The following DENND1B variants were observed in gnomAD, a reference collection of about 807,000 sequenced individuals.
DENND1B encodes DENN domain-containing protein 1B.
Under a neutral mutation model 90.1 loss-of-function variants are expected in DENND1B, and 59 were observed. The observed-to-expected ratio is 0.65, with a 90% confidence interval of 0.53 to 0.81. The LOEUF (loss-of-function observed/expected upper bound fraction) is 0.81, where lower values mean the gene tolerates loss of function less well. DENND1B is among the 40% of genes least tolerant of loss of function. The pLI is 0.00. For missense variants in DENND1B, 862 were observed against 912.6 expected, an observed-to-expected ratio of 0.94 and a Z score of 0.71; for synonymous variants, 337 against 324.6, an observed-to-expected ratio of 1.04 and a Z score of -0.41.
chr1:197,744,258 A>G (rs998635082), intron 2 of DENND1B, among the ~76,000 whole-genome samples: 7 of 152,194 alleles, frequency 4.6e-5, no homozygotes, highest in African/African-American at 7.2e-5. Context: ...AGATTTTTCA[A>G]TGTGCTTTGC....
chr1:197,557,286 T>A (rs545437576), intron 15 of DENND1B, among the ~76,000 whole-genome samples: 2 of 151,884 alleles, frequency 1.3e-5, no homozygotes, highest in Non-Finnish European at 2.9e-5. Flanking sequence ...TACTGACAAA[T>A]AGAACAAACT....
intron 6 of DENND1B, among the ~76,000 whole-genome samples, chr1:197,654,964 T>G (rs1653648422): frequency 6.6e-6 from 1 of 152,136 alleles, no homozygotes. Flanking sequence ...TTTTTAAAAA[T>G]TAAATAAAAA....
chr1:197,618,959 ATAAAG>A (rs1461486120), intron 10 of DENND1B, among the ~76,000 whole-genome samples: 2 of 151,270 alleles, frequency 1.3e-5, no homozygotes, highest in African/African-American at 4.8e-5. Flanking sequence ...GATCCATTAC[ATAAAG>A]TAAATTAAAA....
rs913790858 is a variant in DENND1B, at chr1:197,507,057, G to C, written c.*3403C>G. ...GAAATGATACTATGGTTCATACTTAGAGCATGCTTTAAATTAAGCAGCCAG... is the reference window on the plus strand; with the variant it reads ...GAAATGATACTATGGTTCATACTTACAGCATGCTTTAAATTAAGCAGCCAG... On this transcript the variant is annotated 3_prime_UTR_variant, in exon 23 of 23. Transcript: ENST00000620048. 6.6e-6 allele frequency: 1 copy of C among 151,028 alleles called. No homozygotes were observed. The highest frequency in any genetic ancestry group is 1.5e-5 in the Non-Finnish European group (1 of 67,500). The allele number at this position is 151,028 out of a possible 1,614,324, so 9.4% of individuals were successfully genotyped here.
intron 3 of DENND1B, among the ~76,000 whole-genome samples, chr1:197,698,536 TAGC>T (rs773874068): frequency 2.7e-5 from 4 of 150,360 alleles, no homozygotes. Context: ...ATCCAAAAGC[TAGC>T]AGAAGACAAG....
chr1:197,672,574 C>G (rs892637291), intron 4 of DENND1B, among the ~76,000 whole-genome samples: 1 of 152,008 alleles, frequency 6.6e-6, no homozygotes, highest in African/African-American at 2.4e-5. Context: ...AATCATGTCG[C>G]TTTAGAATCT....
intron 15 of DENND1B, among the ~76,000 whole-genome samples, chr1:197,562,996 C>A (rs1672304687): frequency 6.6e-6 from 1 of 151,812 alleles, no homozygotes; most frequent in Admixed American, 6.6e-5. Flanking sequence ...TAACTCTCTT[C>A]AATTATATGA....
At chr1:197,628,637 C>T (rs934074372) in intron 10 of DENND1B, among the ~76,000 whole-genome samples, 5 of 152,108 alleles carry the variant, frequency 3.3e-5, no homozygotes, top group African/African-American at 1.2e-4. Flanking sequence ...ATGTCTAAAA[C>T]ACCAAAAGCA....
At chr1:197,679,386 C>A (rs898782770) in intron 3 of DENND1B, among the ~76,000 whole-genome samples, 4 of 150,300 alleles carry the variant, frequency 2.7e-5, no homozygotes, top group Admixed American at 6.6e-5. Context: ...ATATAAAAAA[C>A]CAATATACTA....
intron 20 of DENND1B, among the ~76,000 whole-genome samples, chr1:197,514,003 T>A (rs572659507): frequency 6.6e-6 from 1 of 151,826 alleles, no homozygotes; most frequent in East Asian, 1.9e-4. Flanking sequence ...TATAGGCACA[T>A]AATGTTTAAA....
intron 10 of DENND1B, among the ~76,000 whole-genome samples, chr1:197,627,680 G>A (rs1304591744): frequency 1.3e-5 from 2 of 151,952 alleles, no homozygotes; most frequent in Non-Finnish European, 2.9e-5. Flanking sequence ...TCTGGCCAGG[G>A]CAATTAGGCA....
At chr1:197,706,742 T>C (rs1028549934) in intron 3 of DENND1B, among the ~76,000 whole-genome samples, 2 of 152,088 alleles carry the variant, frequency 1.3e-5, no homozygotes, top group African/African-American at 4.8e-5. Context: ...CTCACCCCAG[T>C]TACAATAGTT....
At chr1:197,574,018 T>C (rs902363898) in intron 15 of DENND1B, among the ~76,000 whole-genome samples, 4 of 152,164 alleles carry the variant, frequency 2.6e-5, no homozygotes, top group Non-Finnish European at 5.9e-5. Context: ...ACTGGAAGCA[T>C]TCCCTCTGAA....
intron 16 of DENND1B, among the ~76,000 whole-genome samples, chr1:197,552,037 A>G (rs773785124): frequency 6.6e-6 from 1 of 152,148 alleles, no homozygotes; most frequent in Non-Finnish European, 1.5e-5. Flanking sequence ...AATGGTTTCT[A>G]TATTTTCATG....
At chr1:197,780,449 C>T (rs942144381), upstream of DENND1B, among the ~76,000 whole-genome samples, 1 of 151,948 alleles carries the variant, frequency 6.6e-6, no homozygotes, top group African/African-American at 2.4e-5. Context: ...CCTCAGCCTC[C>T]CGAGTAGCTG....
chr1:197,563,297 A>G (rs1336987717), intron 15 of DENND1B, among the ~76,000 whole-genome samples: 1 of 152,036 alleles, frequency 6.6e-6, no homozygotes, highest in Non-Finnish European at 1.5e-5. Flanking sequence ...TCAAGGCTTC[A>G]AAGCTTCAAA....
upstream of DENND1B, among the ~76,000 whole-genome samples, chr1:197,777,817 T>C (rs945652127): frequency 3.3e-5 from 5 of 152,172 alleles, no homozygotes; most frequent in African/African-American, 1.2e-4. Flanking sequence ...TTAATTTAGT[T>C]AATTTTTTAA....
At chr1:197,691,013 C>G (rs2477076) in intron 3 of DENND1B, among the ~76,000 whole-genome samples, 128,921 of 151,904 alleles carry the variant, frequency 0.85, 55,110 homozygotes, top group African/African-American at 0.95. Context: ...CATTGGTCTT[C>G]GCAATAATTT....
intron 10 of DENND1B, among the ~76,000 whole-genome samples, chr1:197,625,838 A>C (rs980872026): frequency 2.0e-5 from 3 of 152,140 alleles, no homozygotes; most frequent in Admixed American, 6.5e-5. Context: ...TCTACCAAGC[A>C]AATGGAAAAC....
Sources: allele counts gnomAD v4.1 joint callset (sites outside exome capture counted in the v4.1 genomes callset), GRCh38; gene constraint gnomAD v4.1.1; transcripts MANE v1.5; gene names NCBI Gene and HGNC (gene_info 2026-07-23, HGNC 2026-07-21).